Variants in TMEM132D observed in about 807,000 individuals in gnomAD.
TMEM132D encodes the protein mature OL transmembrane protein.
TMEM132D carries 21 observed loss-of-function variants against 62.3 expected under a neutral mutation model. The ratio of observed to expected loss-of-function variants is 0.34; its 90% CI spans 0.24 to 0.49. The LOEUF is 0.49. Among genes scored for constraint, TMEM132D ranks in the 20% least tolerant of loss-of-function variants. TMEM132D has a pLI of 0.99. For missense variants in TMEM132D, 1,346 were observed against 1,402.8 expected (o/e 0.96, Z 0.65); for synonymous variants, 621 against 575.6 (o/e 1.08, Z -1.13).
intron 5 of TMEM132D, among the ~76,000 whole-genome samples, chr12:129,181,639 C>T (rs547094966): frequency 3.7e-4 from 56 of 152,294 alleles, no homozygotes; most frequent in African/African-American, 1.3e-3. Flanking sequence ...CACCCCAGCT[C>T]GAGACAAACC....
intron 5 of TMEM132D, among the ~76,000 whole-genome samples, chr12:129,108,430 G>A (rs185315957): frequency 6.6e-6 from 1 of 152,330 alleles, no homozygotes; most frequent in East Asian, 1.9e-4. Context: ...AGATGACTCA[G>A]ATCTCAAAGT....
At position 129,555,261 on chromosome 12, in the gene TMEM132D, T is replaced by G. The variant is rs117956615; in HGVS notation, c.969-24056A>C. On this transcript the variant is annotated intron_variant, in intron 2 of 8. Coordinates refer to ENST00000422113, the MANE Select transcript of TMEM132D (RefSeq NM_133448.3). ...AACACCGGTGTTGAATGCATGGAAA[T>G]GTACTTAGCCTACAACAGAACAGAC... Among the ~76,000 whole-genome samples, 1,101 of 152,304 alleles carry G rather than the reference T, an allele frequency of 7.2e-3. 6 individuals are homozygous for G. The highest frequency in any genetic ancestry group is 0.014 in the Middle Eastern group (4 of 294).
At chr12:129,780,360 C>G (rs187480034) in intron 1 of TMEM132D, among the ~76,000 whole-genome samples, 1 of 151,682 alleles carries the variant, frequency 6.6e-6, no homozygotes, top group African/African-American at 2.4e-5. Flanking sequence ...CGGGGGGGCA[C>G]AAAATGTTTT....
At chr12:129,211,617 A>G (rs995622261) in intron 4 of TMEM132D, among the ~76,000 whole-genome samples, 29 of 152,230 alleles carry the variant, frequency 1.9e-4, no homozygotes, top group African/African-American at 5.8e-4. Context: ...GTCTATAACC[A>G]GCTCACTGGG....
chr12:129,350,354 T>C, intron 3 of TMEM132D, among the ~76,000 whole-genome samples: 1 of 152,162 alleles, frequency 6.6e-6, no homozygotes. Context: ...AAGGAACCTA[T>C]CAAGTTTTCC....
intron 4 of TMEM132D, among the ~76,000 whole-genome samples, chr12:129,235,013 A>AATCC (rs1879739722): frequency 6.6e-6 from 1 of 152,180 alleles, no homozygotes; most frequent in African/African-American, 2.4e-5. Context: ...AGTGAGCTTT[A>AATCC]CTGCATAACT....
Position 129,514,908 on chromosome 12 carries a change from A to T in TMEM132D, c.1115+16151T>A, listed in dbSNP as rs553964045. ...GCGTAAGACAATATACTCCATGATTAGTGATGTTCCAGAATGCCTGGTGAT... is the reference window on the plus strand; with the variant it reads ...GCGTAAGACAATATACTCCATGATTTGTGATGTTCCAGAATGCCTGGTGAT... On this transcript the variant is annotated intron_variant, in intron 3 of 8. Transcript: ENST00000422113. 2.0e-5 allele frequency among the ~76,000 whole-genome samples: 3 copies of T among 152,316 alleles called. No individual in the cohort carries two copies. The East Asian group carries it at 5.8e-4, about 29-fold the overall frequency.
chr12:129,201,009 GGT>G lies in TMEM132D; in HGVS notation c.1443+8509_1443+8510del, dbSNP rs1323528655. Among the ~76,000 whole-genome samples the G allele has an allele frequency of 3.3e-5, 5 of 152,314 alleles. No individual in the cohort carries two copies. In the East Asian group the frequency reaches 5.8e-4, roughly 18 times the overall value. ...AAGCTTTATACACCTGATTTCCACT[GGT>G]GTGTGTCTCTGGTGCAGAAGCAAGG... On this transcript the variant is annotated intron_variant, in intron 5 of 8. Coordinates refer to ENST00000422113, the MANE Select transcript of TMEM132D (RefSeq NM_133448.3).
At chr12:129,726,603 G>A (rs1031215389) in intron 1 of TMEM132D, among the ~76,000 whole-genome samples, 3 of 152,204 alleles carry the variant, frequency 2.0e-5, no homozygotes, top group Admixed American at 6.5e-5. Flanking sequence ...GAGCCAGAGA[G>A]TGAAGGGATT....
chr12:129,773,335 T>A (rs952454075), intron 1 of TMEM132D, among the ~76,000 whole-genome samples: 1 of 152,082 alleles, frequency 6.6e-6, no homozygotes, highest in African/African-American at 2.4e-5. Context: ...ACAGCTTAAT[T>A]GTGGAGGCTG....
intron 5 of TMEM132D, among the ~76,000 whole-genome samples, chr12:129,122,190 G>A (rs939358963): frequency 3.3e-5 from 5 of 152,160 alleles, no homozygotes; most frequent in Non-Finnish European, 1.5e-5. Flanking sequence ...TGGGCCACAC[G>A]GCCTACTGCC....
intron 4 of TMEM132D, among the ~76,000 whole-genome samples, chr12:129,331,382 C>G (rs1481779896): frequency 6.6e-6 from 1 of 152,184 alleles, no homozygotes; most frequent in African/African-American, 2.4e-5. Context: ...GGCTGGAGTT[C>G]TCCTTTGATT....
intron 3 of TMEM132D, among the ~76,000 whole-genome samples, chr12:129,424,299 C>T (rs1422265043): frequency 6.6e-6 from 1 of 152,094 alleles, no homozygotes; most frequent in Admixed American, 6.5e-5. Flanking sequence ...CCTTAGTTCA[C>T]ACCAAGAATG....
chr12:129,090,334 T>C (rs764136223), intron 5 of TMEM132D, among the ~76,000 whole-genome samples: 2 of 152,160 alleles, frequency 1.3e-5, no homozygotes, highest in African/African-American at 2.4e-5. Flanking sequence ...GTTCCATTTC[T>C]AACTCAGGCT....
At chr12:129,372,513 T>A (rs1328015574) in intron 3 of TMEM132D, among the ~76,000 whole-genome samples, 1 of 152,208 alleles carries the variant, frequency 6.6e-6, no homozygotes, top group Non-Finnish European at 1.5e-5. Context: ...TGAAGCTTCA[T>A]CTGTATTTGC....
intron 3 of TMEM132D, among the ~76,000 whole-genome samples, chr12:129,376,679 T>C (rs1170663907): frequency 2.6e-5 from 4 of 152,138 alleles, no homozygotes; most frequent in Non-Finnish European, 5.9e-5. Context: ...GGGTAGGGTG[T>C]GTTAAAAGTA....
intron 2 of TMEM132D, among the ~76,000 whole-genome samples, chr12:129,557,716 A>AAAAAC (rs1428654801): frequency 1.3e-5 from 2 of 152,196 alleles, no homozygotes; most frequent in Admixed American, 6.5e-5. Flanking sequence ...ACCTTGACTC[A>AAAAAC]AAAACAAAAC....
chr12:129,264,310 G>A (rs188768458), intron 4 of TMEM132D, among the ~76,000 whole-genome samples: 13 of 152,276 alleles, frequency 8.5e-5, no homozygotes, highest in African/African-American at 1.4e-4. Flanking sequence ...GATTGCTTGA[G>A]CCTGGGAGGT....
chr12:129,841,716 G>A (rs1873199205), intron 1 of TMEM132D, among the ~76,000 whole-genome samples: 1 of 152,106 alleles, frequency 6.6e-6, no homozygotes, highest in Non-Finnish European at 1.5e-5. Flanking sequence ...ATGCGTCACT[G>A]CTAAAATATT....
Sources: allele counts gnomAD v4.1 joint callset (sites outside exome capture counted in the v4.1 genomes callset), GRCh38; gene constraint gnomAD v4.1.1; transcripts MANE v1.5; gene names NCBI Gene and HGNC (gene_info 2026-07-23, HGNC 2026-07-21).